CHERP: variants seen among roughly 807,000 people sequenced by gnomAD.
CHERP encodes ERPROT 213-21.
CHERP carries 8 observed loss-of-function variants against 113.8 expected under a neutral mutation model. The ratio of observed to expected loss-of-function variants is 0.07; its 90% CI spans 0.04 to 0.13. CHERP has a LOEUF of 0.13. CHERP is among the 10% of genes least tolerant of loss of function. CHERP has a pLI of 1.00. For synonymous variants in CHERP, 559 were observed against 524.5 expected, an observed-to-expected ratio of 1.07 and a Z score of -0.90; for missense variants, 884 against 1,298.2, an observed-to-expected ratio of 0.68 and a Z score of 4.90.
intron 10 of CHERP, among the ~76,000 whole-genome samples, chr19:16,524,417 ATGG>A (rs1215108796): frequency 5.3e-5 from 8 of 152,072 alleles, no homozygotes; most frequent in Admixed American, 3.9e-4. Flanking sequence ...TTAGCCAGGC[ATGG>A]TGGCGCACAC....
chr19:16,533,145 G>T lies in CHERP; in HGVS notation c.388C>A (p.Gln130Lys). ...EQHLLALRQE[Q>K]VTAAVAHAVE... ...GCGTGGGCCACGGCCGCTGTCACTT[G>T]CTCCTGCGGGCGGGGGTCGGTGGGG... The change falls in exon 4 of 17, where the codon CAA (glutamine) becomes AAA (lysine). Residue 130 changes from glutamine (Q) to lysine (K), a missense_variant. Gln to Lys is a moderately conservative substitution (Grantham distance 53, BLOSUM62 1). Coordinates refer to ENST00000546361, the MANE Select transcript of CHERP (RefSeq NM_006387.6). 5.7e-6 allele frequency: 9 copies of T among 1,582,884 alleles called. No homozygotes were observed. The highest frequency in any genetic ancestry group is 7.7e-6 in the Non-Finnish European group (9 of 1,164,922).
Position 16,520,255 on chromosome 19 carries a change from T to C in CHERP, c.2356A>G (p.Arg786Gly), listed in dbSNP as rs779091226. ...GAGCGGCTTCTGGAGGAGCGCGACC[T>C]GCTCCGACTTCTGCAGGGAAGGGTG... Reference protein sequence around the residue: ...YSRSRSRSRSRSRSSRSRSRS... With the variant: ...YSRSRSRSRSGSRSSRSRSRS... Residue 786 changes from arginine (R) to glycine (G), a missense_variant, in exon 15 of 17, where the codon AGG becomes GGG. Coordinates refer to ENST00000546361, the MANE Select transcript of CHERP (RefSeq NM_006387.6). This position sits in a 1 kb window ranked among gnomAD's most constrained non-coding sequence, Gnocchi z 4.0. 6.2e-7 allele frequency: 1 copy of C among 1,613,396 alleles called. No homozygotes were observed. The highest frequency in any genetic ancestry group is 8.5e-7 in the Non-Finnish European group (1 of 1,179,990).
Position 16,520,515 on chromosome 19 carries a change from G to A in CHERP, c.2202-8C>T. 6.2e-7 allele frequency: 1 copy of A among 1,608,870 alleles called. No homozygotes were observed. The highest frequency in any genetic ancestry group is 8.5e-7 in the Non-Finnish European group (1 of 1,177,274). On this transcript the variant is annotated splice_region_variant and splice_polypyrimidine_tract_variant and intron_variant, in intron 13 of 16. Transcript: ENST00000546361. The surrounding 1 kb of genome is among the most constrained non-coding windows in gnomAD (Gnocchi z 4.0). ...CGAGACCTCGAGGGTCCGCTGTGGG[G>A]AGAGGCCTGATGATCAGGTGCCCCA...
chr19:16,522,901 C>T (rs2085629848), intron 11 of CHERP, 151 bp downstream of exon 11: 1 of 869,988 alleles, frequency 1.1e-6, no homozygotes, highest in Non-Finnish European at 1.7e-6. Context: ...TCCGGTTCGG[C>T]ACCTCCCACT....
chr19:16,530,848 G>C lies in CHERP; in HGVS notation c.707C>G (p.Ala236Gly). The C allele has an allele frequency of 6.2e-7, 1 of 1,613,700 alleles. No homozygotes were observed. Among genetic ancestry groups the C allele is most frequent in the Non-Finnish European group, 8.5e-7 (1 of 1,179,954 alleles). ...GATGGGCACCACGACCTTCTGCAGGGCGGCCAGCAGCTCCCGGGCCTGCTT... is the reference window on the plus strand; with the variant it reads ...GATGGGCACCACGACCTTCTGCAGGCCGGCCAGCAGCTCCCGGGCCTGCTT... ...QRKQARELLA[A>G]LQKVVVPIYC... Residue 236 changes from alanine (A) to glycine (G), a missense_variant, in exon 6 of 17, where the codon GCC (alanine) becomes GGC (glycine). Physicochemically the swap from Ala to Gly is moderately conservative, Grantham distance 60. Coordinates refer to ENST00000546361, the MANE Select transcript of CHERP (RefSeq NM_006387.6). This position sits in a 1 kb window ranked among gnomAD's most constrained non-coding sequence, Gnocchi z 4.1.
chr19:16,531,742 G>C (rs1054134785), intron 5 of CHERP, among the ~76,000 whole-genome samples: 1 of 152,192 alleles, frequency 6.6e-6, no homozygotes, highest in East Asian at 1.9e-4. Context: ...AGCTGGTGCC[G>C]AGCCGCAACT....
intron 9 of CHERP, among the ~76,000 whole-genome samples, chr19:16,526,553 C>T (rs958244908): frequency 6.6e-6 from 1 of 151,296 alleles, no homozygotes; most frequent in African/African-American, 2.4e-5. Flanking sequence ...CTGCAACTTC[C>T]ACCTCCCGGG....
At chr19:16,539,581 A>G (rs749452740) in intron 2 of CHERP, 3 of 152,184 alleles carry the variant, frequency 2.0e-5, no homozygotes, top group Admixed American at 1.3e-4. Flanking sequence ...TCAAACCTAA[A>G]TAGGCATCAG....
intron 2 of CHERP, 77 bp downstream of exon 2, chr19:16,541,793 G>A (rs1022463197): frequency 1.2e-5 from 17 of 1,451,076 alleles, no homozygotes; most frequent in African/African-American, 5.7e-5. Flanking sequence ...AAAGAAAGAG[G>A]TTTGTGGCAG....
chr19:16,518,980 C>T lies in CHERP; in HGVS notation c.*179G>A, dbSNP rs929559744. ...TTGTGGGTGGCACCCGTGCCCTCCA[C>T]GCCATGGAGCACGGCGTTCCCACTG... On this transcript the variant is annotated 3_prime_UTR_variant, in exon 17 of 17. Transcript: ENST00000546361. 14 of 641,618 alleles carry T rather than the reference C, an allele frequency of 2.2e-5. No homozygotes were observed. Among genetic ancestry groups the T allele is most frequent in the African/African-American group, 1.3e-4 (7 of 54,344 alleles). 39.7% of individuals were successfully genotyped at this position (641,618 alleles called of 1,614,324 possible). A position where few individuals can be genotyped will look rare whatever the true frequency, so the allele number is the denominator to read the frequency against.
At position 16,520,988 on chromosome 19, in the gene CHERP, T is replaced by G. The variant is rs16981292; in HGVS notation, c.2115-76A>C. The stretch of plus-strand genomic sequence containing the variant: ...AAGTCGTGAAAAAGTCATCAGGAGT[T>G]AATCCACAGAACCTTGGAGAGTACA... On this transcript the variant is annotated intron_variant, in intron 12 of 16. Coordinates refer to ENST00000546361, the MANE Select transcript of CHERP (RefSeq NM_006387.6). This position sits in a 1 kb window ranked among gnomAD's most constrained non-coding sequence, Gnocchi z 4.0. 7.9e-7 allele frequency: 1 copy of G among 1,260,500 alleles called. No individual in the cohort carries two copies. Among genetic ancestry groups the G allele is most frequent in the Non-Finnish European group, 1.2e-6 (1 of 864,288 alleles). The allele number at this position is 1,260,500 out of a possible 1,614,324, so 78.1% of individuals were successfully genotyped here.
At chr19:16,533,456 C>T (rs1057340107) in intron 3 of CHERP, among the ~76,000 whole-genome samples, 2 of 152,334 alleles carry the variant, frequency 1.3e-5, no homozygotes, top group Admixed American at 6.5e-5. Flanking sequence ...CCTCTGCAAA[C>T]CAACTCAACA....
chr19:16,533,842 C>T lies in CHERP; in HGVS notation c.385-694G>A, dbSNP rs115130743. 3.3e-3 allele frequency among the ~76,000 whole-genome samples: 495 copies of T among 152,018 alleles called. 5 individuals carry two copies. The highest frequency in any genetic ancestry group is 0.011 in the African/African-American group (449 of 41,460). Reference sequence around the variant, plus strand: ...AAAGACAAATGAGGCATGGTGTGAACGACAGGCAATAGAAGAAGAGGATAC... The same window carrying T: ...AAAGACAAATGAGGCATGGTGTGAATGACAGGCAATAGAAGAAGAGGATAC... On this transcript the variant is annotated intron_variant, in intron 3 of 16. Coordinates refer to ENST00000546361, the MANE Select transcript of CHERP (RefSeq NM_006387.6).
At chr19:16,521,334 A>C (rs746829033) in intron 12 of CHERP, 187 bp downstream of exon 12, 1 of 588,992 alleles carries the variant, frequency 1.7e-6, no homozygotes, top group Non-Finnish European at 2.9e-6. Context: ...TGTCTCCATT[A>C]AAACGCCCTT....
In CHERP at chr19:16,532,845, G is replaced by T; in HGVS notation, c.523-96C>A. The T allele has an allele frequency of 6.5e-7, 1 of 1,550,386 alleles. No homozygotes were observed. ...GCGCGTCACCATCAGCTCAGGGAAG[G>T]ACACACCATGAGCGTGGGGGGCACA... is the stretch of plus-strand genomic sequence containing the variant. On this transcript the variant is annotated intron_variant, in intron 4 of 16. Coordinates refer to ENST00000546361, the MANE Select transcript of CHERP (RefSeq NM_006387.6). This position sits in a 1 kb window ranked among gnomAD's most constrained non-coding sequence, Gnocchi z 4.4.
In CHERP at chr19:16,521,580, C is replaced by A; in HGVS notation, c.2055G>T (p.Arg685Ser). The A allele has an allele frequency of 6.2e-7, 1 of 1,608,728 alleles. No homozygotes were observed. ...RLPPPMPPSE[R>S]LLAAVEAFYS... is the part of the protein sequence containing the mutation. ...AGAAGGCCTCCACTGCAGCCAGCAGCCTCTCGCTGGGCGGCATGGGGGGTG... is the reference window on the plus strand; with the variant it reads ...AGAAGGCCTCCACTGCAGCCAGCAGACTCTCGCTGGGCGGCATGGGGGGTG... The change falls in exon 12 of 17, where the codon AGG (arginine) becomes AGT (serine). Residue 685 changes from arginine (R) to serine (S), a missense_variant. Transcript: ENST00000546361.
chr19:16,538,785 C>G (rs913564954), intron 2 of CHERP, among the ~76,000 whole-genome samples: 1 of 151,770 alleles, frequency 6.6e-6, no homozygotes, highest in African/African-American at 2.4e-5. Context: ...GTGGCCACCC[C>G]CCCGCCCCAG....
rs190384812 is a variant in CHERP at position 16,532,516 on chromosome 19, C to A, written c.674+82G>T. 1.7e-5 allele frequency: 25 copies of A among 1,446,604 alleles called. No homozygotes were observed. In the East Asian group the frequency reaches 6.0e-4, roughly 35 times the overall value. The allele number at this position is 1,446,604 out of a possible 1,614,324, so 89.6% of individuals were successfully genotyped here. ...CTCGGGACAGGCCAAGCCAAGCTAC[C>A]GACCGGAGCAAGCGGCCACCCAGGA... On this transcript the variant is annotated intron_variant, in intron 5 of 16. Coordinates refer to ENST00000546361, the MANE Select transcript of CHERP (RefSeq NM_006387.6). The surrounding 1 kb of genome is among the most constrained non-coding windows in gnomAD (Gnocchi z 4.4).
chr19:16,538,001 A>G (rs1258623102), intron 2 of CHERP, among the ~76,000 whole-genome samples: 1 of 152,224 alleles, frequency 6.6e-6, no homozygotes, highest in Non-Finnish European at 1.5e-5. Flanking sequence ...GTGAAGCTCC[A>G]TTCTACAACA....
Sources: allele counts gnomAD v4.1 joint callset (sites outside exome capture counted in the v4.1 genomes callset), GRCh38; gene constraint gnomAD v4.1.1; non-coding constraint Gnocchi (gnomAD v3.1); transcripts MANE v1.5; gene names NCBI Gene and HGNC (gene_info 2026-07-23, HGNC 2026-07-21).